The following VARS1 variants were observed in gnomAD, a reference collection of about 807,000 sequenced individuals.
The protein encoded by VARS1 is valine--tRNA ligase.
A neutral mutation model predicts 161.0 loss-of-function variants in VARS1; 92 were observed. The observed-to-expected ratio is 0.57, with a 90% CI of 0.48 to 0.68. The LOEUF (loss-of-function observed/expected upper bound fraction) is 0.68, where lower values mean the gene tolerates loss of function less well. Among genes scored for constraint, VARS1 ranks in the 30% least tolerant of loss-of-function variants. VARS1 has a pLI of 0.00. For missense variants in VARS1, 1,338 were observed against 1,695.9 expected (o/e 0.79, Z 3.71); for synonymous variants, 595 against 682.5 (o/e 0.87, Z 2.00).
rs1390640287 is a variant in VARS1, at chr6:31,782,323, G to A, written c.2112C>T (p.Ala704=). Residue 704 remains alanine (A), a synonymous_variant, in exon 17 of 30, where the codon GCC becomes GCT. Coordinates refer to ENST00000375663, the MANE Select transcript of VARS1 (RefSeq NM_006295.3). The surrounding 1 kb of genome is among the most constrained non-coding windows in gnomAD (Gnocchi z 8.3). Reference sequence around the variant, plus strand: ...TCCAGGCATGCCATGTGCGCTGATGGGCCTCAGGCAGGATGCGGAGGTCAC... The same window carrying A: ...TCCAGGCATGCCATGTGCGCTGATGAGCCTCAGGCAGGATGCGGAGGTCAC... ...TRGDLRILPE[A]HQRTWHAWMD... is the part of the protein sequence containing the mutation. The A allele has an allele frequency of 6.2e-7, 1 of 1,612,864 alleles. No individual in the cohort carries two copies. The highest frequency in any genetic ancestry group is 1.7e-5 in the Admixed American group (1 of 59,992).
chr6:31,782,252 G>A lies in VARS1; in HGVS notation c.2150+33C>T, dbSNP rs374540403. 64 of 1,610,140 alleles carry A rather than the reference G, an allele frequency of 4.0e-5. No individual in the cohort carries two copies. The highest frequency in any genetic ancestry group is 1.2e-5 in the Non-Finnish European group (14 of 1,177,776). On this transcript the variant is annotated intron_variant, in intron 17 of 29. Coordinates refer to ENST00000375663, the MANE Select transcript of VARS1 (RefSeq NM_006295.3). The surrounding 1 kb of genome is among the most constrained non-coding windows in gnomAD (Gnocchi z 8.3). ...CCGAGTGAGCCCTGCTCAGCCCTCG[G>A]CAAGCCCCTCCCACACTGAGGACCC...
chr6:31,795,238 G>T lies in VARS1; in HGVS notation c.-21C>A. On this transcript the variant is annotated 5_prime_UTR_variant, in exon 2 of 30. Coordinates refer to ENST00000375663, the MANE Select transcript of VARS1 (RefSeq NM_006295.3). This position sits in a 1 kb window ranked among gnomAD's most constrained non-coding sequence, Gnocchi z 6.9. ...GACATAGTTATGAGAAGGTCCGAAC[G>T]AAGTGGAAAAACCTAAGGAGAAAGA... is the stretch of plus-strand genomic sequence containing the variant. 1 of 1,402,804 alleles carries T rather than the reference G, an allele frequency of 7.1e-7. No individual in the cohort carries two copies. Among genetic ancestry groups the T allele is most frequent in the Non-Finnish European group, 9.3e-7 (1 of 1,075,700 alleles). The allele number at this position is 1,402,804 out of a possible 1,614,324, so 86.9% of individuals were successfully genotyped here. A position where few individuals can be genotyped will look rare whatever the true frequency, so the allele number is the denominator to read the frequency against.
intron 8 of VARS1, among the ~76,000 whole-genome samples, chr6:31,788,195 G>A (rs1418003026): frequency 1.3e-5 from 2 of 152,108 alleles, no homozygotes; most frequent in Non-Finnish European, 2.9e-5. Flanking sequence ...GCCATTGTAT[G>A]TTATGTGTAT....
At position 31,781,970 on chromosome 6, in the gene VARS1, A is replaced by C; in HGVS notation, c.2242-18T>G. 22 of 1,613,044 alleles carry C rather than the reference A, an allele frequency of 1.4e-5. No individual in the cohort carries two copies. The highest frequency in any genetic ancestry group is 1.8e-5 in the Non-Finnish European group (21 of 1,179,974). On this transcript the variant is annotated intron_variant, in intron 18 of 29. Transcript: ENST00000375663. The surrounding 1 kb of genome is among the most constrained non-coding windows in gnomAD (Gnocchi z 6.8). ...TCAGGGTCCTGCCACAGGTGCAGTGATTACCCAAGGGGGTGTGTCTGCTTC... is the reference window on the plus strand; with the variant it reads ...TCAGGGTCCTGCCACAGGTGCAGTGCTTACCCAAGGGGGTGTGTCTGCTTC...
Position 31,795,029 on chromosome 6 carries a change from C to A in VARS1, c.189G>T (p.Gly63=), listed in dbSNP as rs539891444. ...PPPRLPALEQ[G]PGGLWVWGAT... is the part of the protein sequence containing the mutation. ...CCCCCCACACCCAGAGCCCACCGGGCCCCTGCTCCAGGGCCGGCAGGCGGG... is the reference window on the plus strand; with the variant it reads ...CCCCCCACACCCAGAGCCCACCGGGACCCTGCTCCAGGGCCGGCAGGCGGG... Residue 63 remains glycine (G), a synonymous_variant, in exon 2 of 30, where the codon GGG becomes GGT. Transcript: ENST00000375663. The surrounding 1 kb of genome is among the most constrained non-coding windows in gnomAD (Gnocchi z 6.9). 3.3e-4 allele frequency: 523 copies of A among 1,573,542 alleles called. 1 individual carries two copies. Among genetic ancestry groups the A allele is most frequent in the Admixed American group, 5.1e-4 (27 of 53,254 alleles).
chr6:31,779,293 C>A lies in VARS1; in HGVS notation c.3401-1G>T. On this transcript the variant is annotated splice_acceptor_variant, in intron 28 of 29. Transcript: ENST00000375663. LOFTEE classifies it high-confidence loss of function. This position sits in a 1 kb window ranked among gnomAD's most constrained non-coding sequence, Gnocchi z 9.1. ...GCCTCATCCGCCACTTCCAGGAAAC[C>A]TGCCAGGGAGGGAGAAAGGTGAGGC... The A allele has an allele frequency of 2.5e-6, 4 of 1,602,550 alleles. No homozygotes were observed. Among genetic ancestry groups the A allele is most frequent in the Non-Finnish European group, 3.4e-6 (4 of 1,179,596 alleles).
Position 31,780,199 on chromosome 6 carries a change from C to T in VARS1, c.2926-46G>A. 6.2e-7 allele frequency: 1 copy of T among 1,606,872 alleles called. No homozygotes were observed. ...CAGCCGGCGGGCCAGGGGAGGGTGC[C>T]AGAACCCCATGGGGGCAGGAGTCAT... On this transcript the variant is annotated intron_variant, in intron 25 of 29. Coordinates refer to ENST00000375663, the MANE Select transcript of VARS1 (RefSeq NM_006295.3). This position sits in a 1 kb window ranked among gnomAD's most constrained non-coding sequence, Gnocchi z 5.1.
chr6:31,785,326 T>G lies in VARS1; in HGVS notation c.1267A>C (p.Lys423Gln). The change falls in exon 10 of 30, where the codon AAA becomes CAA. Residue 423 changes from lysine to glutamine, a missense_variant and splice_region_variant. This residue lies in a region of VARS1 where 902 missense variants were observed against 1,090.3 expected (regional missense o/e 0.83). Coordinates refer to ENST00000375663, the MANE Select transcript of VARS1 (RefSeq NM_006295.3). This position sits in a 1 kb window ranked among gnomAD's most constrained non-coding sequence, Gnocchi z 6.1. ...AACTGGTGGTAAATCCGGTCACCTT[T>G]CCTGGAAGCAGACAGGCTGAGGTCA... ...LQEVWKWKEE[K>Q]GDRIYHQLKK... 6.2e-7 allele frequency: 1 copy of G among 1,612,954 alleles called. No individual in the cohort carries two copies. The highest frequency in any genetic ancestry group is 8.5e-7 in the Non-Finnish European group (1 of 1,180,028).
At position 31,784,651 on chromosome 6, in the gene VARS1, T is replaced by G. The variant is rs768762628; in HGVS notation, c.1411A>C (p.Ser471Arg). Reference protein sequence around the residue: ...RLHEEGIIYRSTRLVNWSCTL... With the variant: ...RLHEEGIIYRRTRLVNWSCTL... ...CAGGACCAGTTAACAAGGCGGGTAC[T>G]GCGATAGATGATGCCTTCCTCGTGA... Residue 471 changes from serine (S) to arginine (R), a missense_variant, in exon 11 of 30, where the codon AGT (serine) becomes CGT (arginine). Ser to Arg is a moderately radical substitution (Grantham distance 110, BLOSUM62 -1). Transcript: ENST00000375663. This position sits in a 1 kb window ranked among gnomAD's most constrained non-coding sequence, Gnocchi z 6.1. The G allele has an allele frequency of 3.7e-6, 6 of 1,612,952 alleles. No individual in the cohort carries two copies. Among genetic ancestry groups the G allele is most frequent in the Non-Finnish European group, 5.1e-6 (6 of 1,180,034 alleles).
At position 31,785,840 on chromosome 6, in the gene VARS1, GGGAGGCC is replaced by G; in HGVS notation, c.1101-114_1101-108del. ...AGTCAGTGGACTAAATAAAGAAGCA[GGGAGGCC>G]GGACGCGGTGGCTCACGCCTGTAAT... On this transcript the variant is annotated intron_variant, in intron 8 of 29. Coordinates refer to ENST00000375663, the MANE Select transcript of VARS1 (RefSeq NM_006295.3). This position sits in a 1 kb window ranked among gnomAD's most constrained non-coding sequence, Gnocchi z 6.1. The G allele has an allele frequency of 2.1e-6, 3 of 1,423,352 alleles. No individual in the cohort carries two copies. The allele number at this position is 1,423,352 out of a possible 1,614,324, so 88.2% of individuals were successfully genotyped here. A position where few individuals can be genotyped will look rare whatever the true frequency, so the allele number is the denominator to read the frequency against.
rs780304327 is a variant in VARS1 at position 31,782,651 on chromosome 6, C to T, written c.1888-18G>A. The T allele has an allele frequency of 6.8e-6, 11 of 1,613,084 alleles. No homozygotes were observed. The highest frequency in any genetic ancestry group is 9.3e-6 in the Non-Finnish European group (11 of 1,180,030). ...GGCAGGCCCTGGGTAGGAATGAGGCCTCATCATGGCGATGCCCAGCCATCC... is the reference window on the plus strand; with the variant it reads ...GGCAGGCCCTGGGTAGGAATGAGGCTTCATCATGGCGATGCCCAGCCATCC... On this transcript the variant is annotated intron_variant, in intron 15 of 29. Transcript: ENST00000375663. This position sits in a 1 kb window ranked among gnomAD's most constrained non-coding sequence, Gnocchi z 8.3.
rs1284419799 is a variant in VARS1 at position 31,780,644 on chromosome 6, G to C, written c.2797+61C>G. 2.1e-5 allele frequency: 34 copies of C among 1,612,764 alleles called. No individual in the cohort carries two copies. The highest frequency in any genetic ancestry group is 2.8e-5 in the Non-Finnish European group (33 of 1,179,024). ...CCCACCAGAGGCTCAGGGTGGAGAA[G>C]AGGGATGGGCCTCACAGAAGGAGGA... On this transcript the variant is annotated intron_variant, in intron 24 of 29. Transcript: ENST00000375663. This position sits in a 1 kb window ranked among gnomAD's most constrained non-coding sequence, Gnocchi z 5.1.
At position 31,791,468 on chromosome 6, in the gene VARS1, G is replaced by T; in HGVS notation, c.1100+142C>A. 8.2e-7 allele frequency: 1 copy of T among 1,219,870 alleles called. No individual in the cohort carries two copies. Among genetic ancestry groups the T allele is most frequent in the Non-Finnish European group, 1.1e-6 (1 of 899,228 alleles). The allele number at this position is 1,219,870 out of a possible 1,614,324, so 75.6% of individuals were successfully genotyped here. A position where few individuals can be genotyped will look rare whatever the true frequency, so the allele number is the denominator to read the frequency against. On this transcript the variant is annotated intron_variant, in intron 8 of 29. Coordinates refer to ENST00000375663, the MANE Select transcript of VARS1 (RefSeq NM_006295.3). This position sits in a 1 kb window ranked among gnomAD's most constrained non-coding sequence, Gnocchi z 5.0. Reference sequence around the variant, plus strand: ...GAGAGGAAGCTAAATGATCAGATTGGAATGACAGAGAGAAGTGTAGCACCA... The same window carrying T: ...GAGAGGAAGCTAAATGATCAGATTGTAATGACAGAGAGAAGTGTAGCACCA...
In VARS1 at chr6:31,783,124, A is replaced by T. The variant is rs369555840; in HGVS notation, c.1734T>A (p.Asp578Glu). The T allele has an allele frequency of 3.8e-5, 62 of 1,612,672 alleles. No homozygotes were observed. Among genetic ancestry groups the T allele is most frequent in the Non-Finnish European group, 4.9e-5 (58 of 1,179,958 alleles). Reference protein sequence around the residue: ...FLSRSLPIVFDEFVDMDFGTG... With the variant: ...FLSRSLPIVFEEFVDMDFGTG... ...TGCCAAAGTCCATGTCCACAAATTCATCGAAGACAATGGGAAGGCTCCGAG... is the reference window on the plus strand; with the variant it reads ...TGCCAAAGTCCATGTCCACAAATTCTTCGAAGACAATGGGAAGGCTCCGAG... Residue 578 changes from aspartate (D) to glutamate (E), a missense_variant, in exon 14 of 30, where the codon GAT becomes GAA. Asp to Glu is a conservative substitution (Grantham distance 45). Around this residue, in one of 3 missense-constraint regions of VARS1, gnomAD observed 902 missense variants for 1,090.3 expected, o/e 0.83. Transcript: ENST00000375663.
chr6:31,786,858 T>A (rs1299548908), intron 8 of VARS1, among the ~76,000 whole-genome samples: 1 of 151,864 alleles, frequency 6.6e-6, no homozygotes, highest in Non-Finnish European at 1.5e-5. Flanking sequence ...ATTCAAAATG[T>A]TTGAAACAAC....
intron 8 of VARS1, among the ~76,000 whole-genome samples, chr6:31,787,755 T>C (rs899237057): frequency 6.6e-6 from 1 of 151,956 alleles, no homozygotes; most frequent in Non-Finnish European, 1.5e-5. Flanking sequence ...GGCAGGAGGA[T>C]TGCTTGAGCC....
At position 31,782,577 on chromosome 6, in the gene VARS1, T is replaced by C; in HGVS notation, c.1944A>G (p.Gly648=). Residue 648 remains glycine (G), a synonymous_variant, in exon 16 of 30, where the codon GGA becomes GGG. Coordinates refer to ENST00000375663, the MANE Select transcript of VARS1 (RefSeq NM_006295.3). The surrounding 1 kb of genome is among the most constrained non-coding windows in gnomAD (Gnocchi z 8.3). Reference sequence around the variant, plus strand: ...GGTTGTCCTCAATGCCACGGAACAGTCCCCGCTCCTTCAGCGCCACCAGCA... The same window carrying C: ...GGTTGTCCTCAATGCCACGGAACAGCCCCCGCTCCTTCAGCGCCACCAGCA... ...KAVLVALKER[G]LFRGIEDNPM... is the part of the protein sequence containing the mutation. The C allele has an allele frequency of 6.2e-7, 1 of 1,612,970 alleles. No homozygotes were observed. Among genetic ancestry groups the C allele is most frequent in the East Asian group, 2.2e-5 (1 of 44,876 alleles).
In VARS1 at chr6:31,784,583, T is replaced by TG. The variant is rs754422037; in HGVS notation, c.1467+11dup. 4.3e-5 allele frequency: 70 copies of TG among 1,613,072 alleles called. No homozygotes were observed. In the Admixed American group the frequency reaches 1.0e-3, roughly 23 times the overall value. ...GATTGGAGATGGAGACAGGCCAGGT[T>TG]GGGGGGCGCACCTCAATGTCAGAGA... On this transcript the variant is annotated intron_variant, in intron 11 of 29. Coordinates refer to ENST00000375663, the MANE Select transcript of VARS1 (RefSeq NM_006295.3). This position sits in a 1 kb window ranked among gnomAD's most constrained non-coding sequence, Gnocchi z 6.1.
In VARS1 at chr6:31,780,680, G is replaced by A; in HGVS notation, c.2797+25C>T. On this transcript the variant is annotated intron_variant, in intron 24 of 29. Coordinates refer to ENST00000375663, the MANE Select transcript of VARS1 (RefSeq NM_006295.3). The surrounding 1 kb of genome is among the most constrained non-coding windows in gnomAD (Gnocchi z 5.1). Reference sequence around the variant, plus strand: ...CTCACAGAAGGAGGAAGGAGTGGCTGGGAGGGACGCTTTGGGGGCCATACC... The same window carrying A: ...CTCACAGAAGGAGGAAGGAGTGGCTAGGAGGGACGCTTTGGGGGCCATACC... 6.2e-7 allele frequency: 1 copy of A among 1,614,130 alleles called. No individual in the cohort carries two copies. Among genetic ancestry groups the A allele is most frequent in the Non-Finnish European group, 8.5e-7 (1 of 1,180,012 alleles).
Sources: allele counts gnomAD v4.1 joint callset (sites outside exome capture counted in the v4.1 genomes callset), GRCh38; gene constraint gnomAD v4.1.1; regional missense constraint gnomAD v4.1.1; non-coding constraint Gnocchi (gnomAD v3.1); transcripts MANE v1.5; gene names NCBI Gene and HGNC (gene_info 2026-07-23, HGNC 2026-07-21).